ZEB2: variants seen among roughly 807,000 people sequenced by gnomAD.
The protein encoded by ZEB2 is zinc finger E-box binding homeobox 2, also known as zinc finger E-box-binding homeobox 2.
In ZEB2, 6 loss-of-function variants were observed where a neutral mutation model predicts 99.9. The ratio of observed to expected loss-of-function variants is 0.06; its 90% CI spans 0.03 to 0.12. The LOEUF is 0.12. ZEB2 is among the 10% of genes least tolerant of loss of function. The pLI is 1.00. For missense variants in ZEB2, 969 were observed against 1,502.8 expected, an observed-to-expected ratio of 0.64 and a Z score of 5.87; for synonymous variants, 517 against 542.5, an observed-to-expected ratio of 0.95 and a Z score of 0.65.
chr2:144,394,088 AT>A, intron 9 of ZEB2, among the ~76,000 whole-genome samples: 1 of 152,026 alleles, frequency 6.6e-6, no homozygotes, highest in East Asian at 1.9e-4. Context: ...CACCCAGCTA[AT>A]TTTGTATTTT....
intron 2 of ZEB2, among the ~76,000 whole-genome samples, chr2:144,487,800 A>C (rs955298987): frequency 3.9e-5 from 6 of 152,234 alleles, no homozygotes; most frequent in Admixed American, 2.6e-4. Flanking sequence ...AATTACGGTA[A>C]AAAGTTATTC....
At chr2:144,436,009 A>G (rs987550964) in intron 2 of ZEB2, among the ~76,000 whole-genome samples, 1 of 151,854 alleles carries the variant, frequency 6.6e-6, no homozygotes, top group Non-Finnish European at 1.5e-5. Flanking sequence ...GCAAGGTTCA[A>G]TTTCTTATTT....
chr2:144,490,478 A>C (rs1203074704), intron 2 of ZEB2, among the ~76,000 whole-genome samples: 1 of 152,186 alleles, frequency 6.6e-6, no homozygotes, highest in Non-Finnish European at 1.5e-5. Flanking sequence ...AGATCATGAT[A>C]AAATGTGGTA....
intron 2 of ZEB2, among the ~76,000 whole-genome samples, chr2:144,515,137 A>G (rs192908143): frequency 8.3e-4 from 127 of 152,232 alleles, no homozygotes; most frequent in Non-Finnish European, 1.3e-4. Flanking sequence ...CACACTTTAA[A>G]TAGTCTTCCC....
intron 2 of ZEB2, among the ~76,000 whole-genome samples, chr2:144,439,023 A>AG (rs1453768892): frequency 6.6e-6 from 1 of 151,520 alleles, no homozygotes; most frequent in East Asian, 2.0e-4. Flanking sequence ...AAACAATGTG[A>AG]GGGGAAAAAT....
At chr2:144,451,033 G>A (rs1704048520) in intron 2 of ZEB2, among the ~76,000 whole-genome samples, 1 of 152,096 alleles carries the variant, frequency 6.6e-6, no homozygotes, top group East Asian at 1.9e-4. Context: ...TGGGTCTCCG[G>A]AGTGGACAAG....
chr2:144,411,948 A>G (rs1405284710), intron 4 of ZEB2, among the ~76,000 whole-genome samples: 1 of 152,232 alleles, frequency 6.6e-6, no homozygotes, highest in African/African-American at 2.4e-5. Context: ...ATTGGCACAG[A>G]ATGATAGAGT....
At chr2:144,478,035 C>T (rs1037598148) in intron 2 of ZEB2, among the ~76,000 whole-genome samples, 6 of 152,056 alleles carry the variant, frequency 3.9e-5, no homozygotes, top group Admixed American at 1.3e-4. Context: ...GGTTTCATCC[C>T]GTCACCCATG....
chr2:144,441,164 C>CAAGAGAGAGAGAGAGAGAGAGAGAGAGA (rs745749103), intron 2 of ZEB2, among the ~76,000 whole-genome samples: 1 of 88,852 alleles, frequency 1.1e-5, no homozygotes, highest in African/African-American at 4.5e-5. Context: ...TTTAGCTGCA[C>CAAGAGAGAGAGAGAGAGAGAGAGAGAGA]GAGAGAGAGA....
chr2:144,472,883 A>G (rs1206986552), intron 2 of ZEB2, among the ~76,000 whole-genome samples: 1 of 152,212 alleles, frequency 6.6e-6, no homozygotes, highest in Non-Finnish European at 1.5e-5. Flanking sequence ...TAGCTGGATG[A>G]AGAGGTGACA....
chr2:144,444,416 C>T (rs1171951861), intron 2 of ZEB2, among the ~76,000 whole-genome samples: 30 of 152,148 alleles, frequency 2.0e-4, no homozygotes, highest in Admixed American at 2.0e-3. Context: ...CAGTGTGAAG[C>T]ACAATTCTGA....
At chr2:144,517,553 C>T (rs1158908465) in intron 1 of ZEB2, 134 bp from the exon 2 acceptor site, 3 of 670,746 alleles carry the variant, frequency 4.5e-6, no homozygotes, top group South Asian at 1.5e-5. Context: ...GAAACTTCGG[C>T]GGCCCCCTCC....
intron 9 of ZEB2, among the ~76,000 whole-genome samples, chr2:144,395,855 T>A (rs1703222378): frequency 6.6e-6 from 1 of 152,180 alleles, no homozygotes; most frequent in Non-Finnish European, 1.5e-5. Context: ...AAGTTTTATT[T>A]CAATCTTCCA....
chr2:144,479,312 G>T (rs1024550443), intron 2 of ZEB2, among the ~76,000 whole-genome samples: 2 of 152,110 alleles, frequency 1.3e-5, no homozygotes, highest in Admixed American at 6.5e-5. Context: ...TTAAGAGAGT[G>T]CTCCTGGCCC....
intron 2 of ZEB2, among the ~76,000 whole-genome samples, chr2:144,438,473 G>C (rs1437261161): frequency 6.6e-6 from 1 of 151,954 alleles, no homozygotes; most frequent in Non-Finnish European, 1.5e-5. Context: ...CTCGAAGTAG[G>C]GGGGCTGGAG....
chr2:144,473,919 G>A (rs538239439), intron 2 of ZEB2, among the ~76,000 whole-genome samples: 23 of 152,254 alleles, frequency 1.5e-4, no homozygotes, highest in African/African-American at 4.3e-4. Flanking sequence ...TCAGTCTTTC[G>A]CTTTCTGGGG....
intron 2 of ZEB2, among the ~76,000 whole-genome samples, chr2:144,432,817 T>C (rs909891959): frequency 3.0e-5 from 4 of 134,184 alleles, no homozygotes; most frequent in African/African-American, 1.2e-4. Flanking sequence ...CTTAATAATG[T>C]AGCTTTGTCT....
intron 2 of ZEB2, chr2:144,461,378 T>C (rs1002434033): frequency 1.3e-5 from 2 of 152,224 alleles, no homozygotes; most frequent in African/African-American, 4.8e-5. Flanking sequence ...TTCACCACCC[T>C]TCCTACGCTA....
At chr2:144,519,162 C>T (rs1705222816) in intron 1 of ZEB2, among the ~76,000 whole-genome samples, 1 of 152,124 alleles carries the variant, frequency 6.6e-6, no homozygotes, top group Non-Finnish European at 1.5e-5. Flanking sequence ...TATTACTTTG[C>T]CACTAAAAAT....
Sources: gnomAD v4.1 joint callset for allele counts (sites outside exome capture counted in the v4.1 genomes callset) on GRCh38, gnomAD v4.1.1 for gene constraint, MANE v1.5 for transcripts, NCBI Gene and HGNC (gene_info 2026-07-23, HGNC 2026-07-21) for gene names.